RESP18: variants seen among roughly 807,000 people sequenced by gnomAD.
The protein encoded by RESP18 is regulated endocrine specific protein 18, also known as regulated endocrine-specific protein 18.
RESP18 carries 30 observed loss-of-function variants against 30.0 expected under a neutral mutation model. The observed-to-expected ratio is 1.00, with a 90% CI of 0.75 to 1.36. The LOEUF is 1.36. RESP18 is among the 40% of genes most tolerant of loss of function. The pLI is 0.00. For missense variants in RESP18, 320 were observed against 284.2 expected, an observed-to-expected ratio of 1.13 and a Z score of -0.91; for synonymous variants, 117 against 111.2, an observed-to-expected ratio of 1.05 and a Z score of -0.33.
intron 6 of RESP18, among the ~76,000 whole-genome samples, chr2:219,328,008 C>T (rs935604600): frequency 5.3e-5 from 8 of 152,294 alleles, no homozygotes; most frequent in South Asian, 2.1e-4. Context: ...TGCAGCCAGC[C>T]GGGGGTGCCC....
In RESP18 at chr2:219,327,571, A is replaced by G; in HGVS notation, c.641-8T>C. The G allele has an allele frequency of 6.4e-7, 1 of 1,551,326 alleles. No individual in the cohort carries two copies. The highest frequency in any genetic ancestry group is 8.7e-7 in the Non-Finnish European group (1 of 1,146,696). ...AAGTGGCCCAGAGAAGCCCTAAAAC[A>G]AGAAGAAACAAGGGAGCTAGAGTCA... On this transcript the variant is annotated splice_polypyrimidine_tract_variant and splice_region_variant and intron_variant, in intron 6 of 6. Transcript: ENST00000333527.
intron 4 of RESP18, 67 bp from the exon 4 acceptor site, chr2:219,329,319 C>T: frequency 1.3e-6 from 2 of 1,551,738 alleles, no homozygotes; most frequent in East Asian, 2.4e-5. Flanking sequence ...ACAGGAAAAG[C>T]AATTGGATAC....
chr2:219,327,408 T>C lies in RESP18; in HGVS notation c.*109A>G, dbSNP rs565501371. On this transcript the variant is annotated 3_prime_UTR_variant, in exon 7 of 7. Coordinates refer to ENST00000333527, the MANE Select transcript of RESP18 (RefSeq NM_001007089.4). ...TCTTGCCTCAAGACAAACTCAGTGT[T>C]TGCATGAGAGTCTACTTTAATGATT... 2 of 1,054,202 alleles carry C rather than the reference T, an allele frequency of 1.9e-6. No individual in the cohort carries two copies. The highest frequency in any genetic ancestry group is 2.7e-5 in the South Asian group (2 of 73,224). The allele number at this position is 1,054,202 out of a possible 1,614,324, so 65.3% of individuals were successfully genotyped here. A position where few individuals can be genotyped will look rare whatever the true frequency, so the allele number is the denominator to read the frequency against.
Position 219,329,174 on chromosome 2 carries a change from T to A in RESP18, c.544A>T (p.Asn182Tyr). Residue 182 changes from asparagine to tyrosine, a missense_variant, in exon 5 of 7, where the codon AAC (asparagine) becomes TAC (tyrosine). Coordinates refer to ENST00000333527, the MANE Select transcript of RESP18 (RefSeq NM_001007089.4). Reference sequence around the variant, plus strand: ...AGTGAGCCCCTCACCTTGACAGGGTTGGCCACCTCTTGTTTCAGGGCCTTA... The same window carrying A: ...AGTGAGCCCCTCACCTTGACAGGGTAGGCCACCTCTTGTTTCAGGGCCTTA... 6.4e-7 allele frequency: 1 copy of A among 1,551,612 alleles called. No individual in the cohort carries two copies. Among genetic ancestry groups the A allele is most frequent in the Non-Finnish European group, 8.7e-7 (1 of 1,146,902 alleles).
chr2:219,329,592 G>C, intron 4 of RESP18, 45 bp downstream of exon 3: 1 of 1,548,740 alleles, frequency 6.5e-7, no homozygotes, highest in Non-Finnish European at 8.7e-7. Flanking sequence ...TGTTCCGTCT[G>C]TCTGCCAGAA....
chr2:219,330,235 T>G (rs1021340072), intron 3 of RESP18, among the ~76,000 whole-genome samples: 2 of 152,212 alleles, frequency 1.3e-5, no homozygotes, highest in Non-Finnish European at 2.9e-5. Flanking sequence ...TAAGGCACTA[T>G]GCACATATTA....
intron 2 of RESP18, among the ~76,000 whole-genome samples, chr2:219,332,026 G>T (rs1002676646): frequency 1.3e-5 from 2 of 152,172 alleles, no homozygotes; most frequent in Admixed American, 1.3e-4. Flanking sequence ...AGTCAGCGCG[G>T]GGTCTACGCG....
Position 219,329,644 on chromosome 2 carries a change from G to T in RESP18, c.458C>A (p.Thr153Asn). ...AGGCCTCATGCACCTCACCTCAGTG[G>T]TTTTAGTGGGGAAAAGTGCCTTCCC... Residue 153 changes from threonine (T) to asparagine (N), a missense_variant, in exon 4 of 7, where the codon ACC becomes AAC. Thr to Asn is a moderately conservative substitution (Grantham distance 65). Coordinates refer to ENST00000333527, the MANE Select transcript of RESP18 (RefSeq NM_001007089.4). The T allele has an allele frequency of 6.4e-7, 1 of 1,551,486 alleles. No homozygotes were observed. The highest frequency in any genetic ancestry group is 2.0e-5 in the Admixed American group (1 of 50,982).
chr2:219,331,555 GACAA>G (rs764086466), intron 2 of RESP18, among the ~76,000 whole-genome samples: 82 of 152,198 alleles, frequency 5.4e-4, no homozygotes, highest in Non-Finnish European at 1.0e-3. Context: ...GGGTAAGCGT[GACAA>G]AGTTTTAAGT....
At chr2:219,329,871 G>T in intron 3 of RESP18, 107 bp from the exon 3 acceptor site, 1 of 1,157,462 alleles carries the variant, frequency 8.6e-7, no homozygotes, top group Non-Finnish European at 1.2e-6. Flanking sequence ...ACATTTTACA[G>T]AGAATTAAAC....
At chr2:219,331,597 C>T (rs999640139) in intron 2 of RESP18, among the ~76,000 whole-genome samples, 7 of 152,130 alleles carry the variant, frequency 4.6e-5, no homozygotes, top group African/African-American at 1.7e-4. Flanking sequence ...AGAAAGCCTC[C>T]TTAAGGAAGT....
Position 219,327,457 on chromosome 2 carries a change from G to C in RESP18, c.*60C>G. 2.8e-6 allele frequency: 4 copies of C among 1,422,652 alleles called. No individual in the cohort carries two copies. The highest frequency in any genetic ancestry group is 3.9e-6 in the Non-Finnish European group (4 of 1,029,834). The allele number at this position is 1,422,652 out of a possible 1,614,324, so 88.1% of individuals were successfully genotyped here. ...TTCAAATCTGGGTCATCCAAGAACT[G>C]CTCCTCTGAAGGGCAATGGGAAGGG... On this transcript the variant is annotated 3_prime_UTR_variant, in exon 7 of 7. Coordinates refer to ENST00000333527, the MANE Select transcript of RESP18 (RefSeq NM_001007089.4).
chr2:219,331,066 C>T, intron 2 of RESP18, 191 bp from the exon 2 acceptor site: 2 of 543,892 alleles, frequency 3.7e-6, no homozygotes, highest in Non-Finnish European at 6.6e-6. Context: ...TATTCTTCAA[C>T]CCCTGGGCCT....
Position 219,329,694 on chromosome 2 carries a change from A to T in RESP18, c.408T>A (p.His136Gln). Residue 136 changes from histidine to glutamine, a missense_variant, in exon 4 of 7, where the codon CAT (histidine) becomes CAA (glutamine). His to Gln is a conservative substitution (Grantham distance 24). Coordinates refer to ENST00000333527, the MANE Select transcript of RESP18 (RefSeq NM_001007089.4). The stretch of plus-strand genomic sequence containing the variant: ...CATCCTTCAGGCATGGTTCTTGGGG[A>T]TGCAGTCTGCTGGCATGCTCCATCT... 1 of 1,551,596 alleles carries T rather than the reference A, an allele frequency of 6.4e-7. No homozygotes were observed. Among genetic ancestry groups the T allele is most frequent in the Non-Finnish European group, 8.7e-7 (1 of 1,146,984 alleles).
rs1262343677 is a variant in RESP18, at chr2:219,332,715, T to G, written c.41A>C (p.Glu14Ala). Residue 14 changes from glutamate (E) to alanine (A), a missense_variant, in exon 2 of 7, where the codon GAA (glutamate) becomes GCA (alanine). Physicochemically the swap from Glu to Ala is moderately radical, Grantham distance 107. Coordinates refer to ENST00000333527, the MANE Select transcript of RESP18 (RefSeq NM_001007089.4). Reference sequence around the variant, plus strand: ...CGAGGGGCTGAGCGGGGCTGCAGCTTCCCACCAGCCCGCGACTCCGAATCT... The same window carrying G: ...CGAGGGGCTGAGCGGGGCTGCAGCTGCCCACCAGCCCGCGACTCCGAATCT... The G allele has an allele frequency of 7.1e-6, 11 of 1,545,256 alleles. No homozygotes were observed. Among genetic ancestry groups the G allele is most frequent in the Non-Finnish European group, 8.7e-6 (10 of 1,143,060 alleles).
At chr2:219,332,377 C>G (rs756032410) in intron 2 of RESP18, 147 bp downstream of exon 1, 1 of 647,380 alleles carries the variant, frequency 1.5e-6, no homozygotes. Context: ...CCTCTTTCCG[C>G]TAGACGCTGT....
In RESP18 at chr2:219,328,987, C is replaced by G. The variant is rs962111182; in HGVS notation, c.577G>C (p.Gly193Arg). 8 of 1,550,928 alleles carry G rather than the reference C, an allele frequency of 5.2e-6. No individual in the cohort carries two copies. Among genetic ancestry groups the G allele is most frequent in the South Asian group, 2.4e-5 (2 of 84,050 alleles). ...GGCGCCTGCATCATGTCCAGCCCCC[C>G]ATATGAACACCTATAGGTAATCTGA... The change falls in exon 6 of 7, where the codon GGG becomes CGG. Residue 193 changes from glycine to arginine, a missense_variant. Physicochemically the swap from Gly to Arg is moderately radical, Grantham distance 125. Transcript: ENST00000333527.
At position 219,332,571 on chromosome 2, in the gene RESP18, A is replaced by G. The variant is rs1952842897; in HGVS notation, c.185T>C (p.Leu62Pro). The G allele has an allele frequency of 6.4e-7, 1 of 1,551,400 alleles. No individual in the cohort carries two copies. The highest frequency in any genetic ancestry group is 2.4e-5 in the East Asian group (1 of 40,906). ...GCCCCCCGGGCAGCTGTTCAGCAGC[A>G]GGAAGCAGACAAGCAGCTGGAGCCC... Residue 62 changes from leucine (L) to proline (P), a missense_variant, in exon 2 of 7, where the codon CTG becomes CCG. Physicochemically the swap from Leu to Pro is moderately conservative, Grantham distance 98. Coordinates refer to ENST00000333527, the MANE Select transcript of RESP18 (RefSeq NM_001007089.4).
At chr2:219,332,775 G>A in intron 1 of RESP18, 31 bp from the exon 1 acceptor site, 1 of 1,476,810 alleles carries the variant, frequency 6.8e-7, no homozygotes, top group Non-Finnish European at 9.1e-7. Context: ...CCAATCGTGA[G>A]CGGGCCCTGC....
Sources: gnomAD v4.1 joint callset for allele counts (sites outside exome capture counted in the v4.1 genomes callset) on GRCh38, gnomAD v4.1.1 for gene constraint, MANE v1.5 for transcripts, NCBI Gene and HGNC (gene_info 2026-07-23, HGNC 2026-07-21) for gene names.